KLHL1: variants seen among roughly 807,000 people sequenced by gnomAD.
The protein encoded by KLHL1 is kelch-like protein 1.
Under a neutral mutation model 77.7 loss-of-function variants are expected in KLHL1, and 47 were observed. The ratio of observed to expected loss-of-function variants is 0.60; its 90% CI spans 0.48 to 0.77. KLHL1 has a LOEUF of 0.77. Ranked by LOEUF, KLHL1 falls within the 30% of genes least tolerant of loss-of-function variation. KLHL1 has a pLI of 0.00. For synonymous variants in KLHL1, 360 were observed against 325.2 expected (o/e 1.11, Z -1.15); for missense variants, 925 against 910.8 (o/e 1.02, Z -0.20).
intron 1 of KLHL1, among the ~76,000 whole-genome samples, chr13:70,086,193 G>A (rs1329795524): frequency 1.3e-5 from 2 of 151,820 alleles, no homozygotes; most frequent in African/African-American, 2.4e-5. Flanking sequence ...AGGAAGCCAG[G>A]AAAAGAGTAG....
At chr13:69,943,841 G>A (rs186585666) in intron 3 of KLHL1, among the ~76,000 whole-genome samples, 83 of 152,216 alleles carry the variant, frequency 5.5e-4, no homozygotes, top group Middle Eastern at 6.8e-3. Flanking sequence ...TCAAGAAGAC[G>A]GTTGCATGCT....
chr13:69,908,004 G>A lies in KLHL1; in HGVS notation c.1015-25509C>T, dbSNP rs1453352168. On this transcript the variant is annotated intron_variant, in intron 4 of 10. Transcript: ENST00000377844. ...AGTGAAGCCAATATAGGAAATTTCA[G>A]GAGGTGGGATGAATGTGTTGGACAA... Among the ~76,000 whole-genome samples the A allele has an allele frequency of 6.6e-5, 10 of 152,148 alleles. 1 individual carries two copies. Among genetic ancestry groups the A allele is most frequent in the Admixed American group, 6.5e-4 (10 of 15,276 alleles).
At chr13:69,998,499 G>A (rs528572806) in intron 1 of KLHL1, among the ~76,000 whole-genome samples, 5 of 152,064 alleles carry the variant, frequency 3.3e-5, no homozygotes, top group South Asian at 4.1e-4. Context: ...ATGTACATCC[G>A]CATTCCATCA....
intron 6 of KLHL1, among the ~76,000 whole-genome samples, chr13:69,820,510 A>C (rs2138076987): frequency 6.6e-6 from 1 of 152,332 alleles, no homozygotes; most frequent in Non-Finnish European, 1.5e-5. Flanking sequence ...ACAAAAAAAT[A>C]AAAAGGATAA....
At chr13:70,062,317 A>G (rs1445455229) in intron 1 of KLHL1, among the ~76,000 whole-genome samples, 4 of 152,186 alleles carry the variant, frequency 2.6e-5, no homozygotes, top group Non-Finnish European at 2.9e-5. Flanking sequence ...ATTTACATCT[A>G]AACTATTGGA....
chr13:69,905,876 G>C (rs1882031624), intron 4 of KLHL1, among the ~76,000 whole-genome samples: 1 of 151,982 alleles, frequency 6.6e-6, no homozygotes, highest in Non-Finnish European at 1.5e-5. Flanking sequence ...GCTTGGAATA[G>C]AGCTCTGGAT....
chr13:69,785,779 AAG>A (rs1876507460), intron 7 of KLHL1, among the ~76,000 whole-genome samples: 1 of 152,208 alleles, frequency 6.6e-6, no homozygotes, highest in African/African-American at 2.4e-5. Flanking sequence ...TAAAGAAGAA[AAG>A]AGAGAAGAAT....
At chr13:69,883,991 G>T (rs146620473) in intron 4 of KLHL1, among the ~76,000 whole-genome samples, 1 of 152,276 alleles carries the variant, frequency 6.6e-6, no homozygotes, top group East Asian at 1.9e-4. Flanking sequence ...TATAAAAACT[G>T]CAGTAGAGTG....
At chr13:69,843,496 C>T (rs3021374) in intron 5 of KLHL1, among the ~76,000 whole-genome samples, 140,181 of 151,582 alleles carry the variant, frequency 0.92, 65,175 homozygotes, top group East Asian at 0.99. Context: ...TTGATGGCTC[C>T]TTTAACTAAT....
chr13:69,914,473 A>T (rs1168035000), intron 4 of KLHL1, among the ~76,000 whole-genome samples: 1 of 152,004 alleles, frequency 6.6e-6, no homozygotes, highest in Non-Finnish European at 1.5e-5. Context: ...AATCCAGGGG[A>T]TTTTCTGCTA....
chr13:69,774,487 T>G (rs150747181), intron 7 of KLHL1, among the ~76,000 whole-genome samples: 1 of 152,062 alleles, frequency 6.6e-6, no homozygotes, highest in African/African-American at 2.4e-5. Flanking sequence ...CCATATCCTC[T>G]CTCTCTTCTC....
intron 1 of KLHL1, among the ~76,000 whole-genome samples, chr13:70,089,055 A>G (rs1593734975): frequency 6.6e-6 from 1 of 152,206 alleles, no homozygotes; most frequent in African/African-American, 2.4e-5. Context: ...GTGACTAACT[A>G]TGGCATTCTA....
chr13:70,107,170 G>T (rs376098942), intron 1 of KLHL1, 33 bp downstream of exon 1: 153 of 1,545,310 alleles, frequency 9.9e-5, no homozygotes, highest in Non-Finnish European at 1.3e-4. Flanking sequence ...GAAATTGAGA[G>T]ATGCTTGGAA....
chr13:70,060,818 C>A (rs1427058402), intron 1 of KLHL1, among the ~76,000 whole-genome samples: 1 of 150,468 alleles, frequency 6.6e-6, no homozygotes, highest in East Asian at 2.0e-4. Flanking sequence ...TGCACTCCAA[C>A]CTGGGCAACA....
intron 7 of KLHL1, among the ~76,000 whole-genome samples, chr13:69,769,528 CTG>C (rs1395179522): frequency 3.9e-5 from 6 of 152,022 alleles, no homozygotes; most frequent in Non-Finnish European, 8.8e-5. Flanking sequence ...TAGTTAGAGT[CTG>C]TGACTGGAGT....
rs367690164 is a variant in KLHL1, at chr13:69,838,931, G to T, written c.1414+45C>A. 4.7e-6 allele frequency: 6 copies of T among 1,273,166 alleles called. No homozygotes were observed. In the South Asian group the frequency reaches 7.5e-5, roughly 16 times the overall value. 78.9% of individuals were successfully genotyped at this position (1,273,166 alleles called of 1,614,324 possible). A position where few individuals can be genotyped will look rare whatever the true frequency, so the allele number is the denominator to read the frequency against. On this transcript the variant is annotated intron_variant, in intron 6 of 10. Coordinates refer to ENST00000377844, the MANE Select transcript of KLHL1 (RefSeq NM_020866.3). ...CATTACAATATAAAAGCTGCAACACGGTATAACACAGGATGTATAGTTATA... is the reference window on the plus strand; with the variant it reads ...CATTACAATATAAAAGCTGCAACACTGTATAACACAGGATGTATAGTTATA...
rs763507844 is a variant in KLHL1, at chr13:69,700,716, T to C, written c.*986A>G. ...ATTACAAACATGTGGCTTAAAATAATGTACAGATCAATGTAACAAGTTTGA... is the reference window on the plus strand; with the variant it reads ...ATTACAAACATGTGGCTTAAAATAACGTACAGATCAATGTAACAAGTTTGA... On this transcript the variant is annotated 3_prime_UTR_variant, in exon 11 of 11. Coordinates refer to ENST00000377844, the MANE Select transcript of KLHL1 (RefSeq NM_020866.3). The C allele has an allele frequency of 2.6e-5, 4 of 152,412 alleles. No homozygotes were observed. The highest frequency in any genetic ancestry group is 7.2e-5 in the African/African-American group (3 of 41,438). 9.4% of individuals were successfully genotyped at this position (152,412 alleles called of 1,614,324 possible). A position where few individuals can be genotyped will look rare whatever the true frequency, so the allele number is the denominator to read the frequency against.
chr13:70,021,473 A>T (rs1343598576), intron 1 of KLHL1, among the ~76,000 whole-genome samples: 1 of 152,080 alleles, frequency 6.6e-6, no homozygotes, highest in African/African-American at 2.4e-5. Flanking sequence ...CTATAAACAT[A>T]CCTATGCTGG....
chr13:69,874,916 T>C (rs1259556680), intron 5 of KLHL1, among the ~76,000 whole-genome samples: 1 of 152,136 alleles, frequency 6.6e-6, no homozygotes, highest in African/African-American at 2.4e-5. Context: ...AAGTAGTTAA[T>C]TGGGCCCTTG....
Sources: gnomAD v4.1 joint callset for allele counts (sites outside exome capture counted in the v4.1 genomes callset) on GRCh38, gnomAD v4.1.1 for gene constraint, MANE v1.5 for transcripts, NCBI Gene and HGNC (gene_info 2026-07-23, HGNC 2026-07-21) for gene names.